PCDH9: variants seen among roughly 807,000 people sequenced by gnomAD.
PCDH9 encodes the protein protocadherin 9, also known as protocadherin-9.
In PCDH9, 24 loss-of-function variants were observed where a neutral mutation model predicts 70.6. That is an observed-to-expected ratio of 0.34 (90% CI 0.25 to 0.48). The LOEUF is 0.48. Among genes scored for constraint, PCDH9 ranks in the 20% least tolerant of loss-of-function variants. PCDH9 has a pLI of 0.99. For synonymous variants in PCDH9, 562 were observed against 558.5 expected (o/e 1.01, Z -0.09); for missense variants, 1,281 against 1,503.6 (o/e 0.85, Z 2.45).
chr13:66,557,064 G>A (rs1961770307), intron 4 of PCDH9, among the ~76,000 whole-genome samples: 1 of 152,134 alleles, frequency 6.6e-6, no homozygotes. Context: ...AATTACAAAG[G>A]AGCTCATCAA....
At chr13:66,976,199 T>C (rs370200317) in intron 2 of PCDH9, among the ~76,000 whole-genome samples, 12 of 152,226 alleles carry the variant, frequency 7.9e-5, no homozygotes, top group African/African-American at 2.6e-4. Flanking sequence ...AATCCCCTCA[T>C]TGGCAAACTA....
intron 4 of PCDH9, among the ~76,000 whole-genome samples, chr13:66,380,297 C>A (rs1247703712): frequency 6.6e-6 from 1 of 152,002 alleles, no homozygotes; most frequent in Non-Finnish European, 1.5e-5. Flanking sequence ...TTTGGGATTT[C>A]AAGAAATAAA....
At chr13:66,535,892 T>C (rs1366084196) in intron 4 of PCDH9, among the ~76,000 whole-genome samples, 1 of 151,968 alleles carries the variant, frequency 6.6e-6, no homozygotes, top group Admixed American at 6.6e-5. Flanking sequence ...AGGGAGCACT[T>C]CTCCCCAAGA....
intron 3 of PCDH9, among the ~76,000 whole-genome samples, chr13:66,840,694 G>A (rs560127359): frequency 7.1e-4 from 108 of 152,316 alleles, no homozygotes; most frequent in Admixed American, 1.3e-3. Context: ...TTTCACTCTA[G>A]TAGGGCAGTT....
chr13:67,023,293 TCAC>T (rs910957270), intron 2 of PCDH9, among the ~76,000 whole-genome samples: 1 of 152,262 alleles, frequency 6.6e-6, no homozygotes, highest in Non-Finnish European at 1.5e-5. Context: ...CTTTTTCTTT[TCAC>T]CACCAACTGT....
At chr13:67,043,099 C>T (rs192322) in intron 2 of PCDH9, among the ~76,000 whole-genome samples, 151,155 of 152,306 alleles carry the variant, frequency 0.99, 75,019 homozygotes, top group East Asian at 1. Flanking sequence ...GTATACAAAG[C>T]AAAAGAAAAA....
At chr13:67,203,139 C>T (rs2138058387) in intron 2 of PCDH9, 2 of 152,180 alleles carry the variant, frequency 1.3e-5, no homozygotes, top group Middle Eastern at 6.8e-3. Flanking sequence ...ATGTTAGAAA[C>T]TACATAATAA....
intron 4 of PCDH9, among the ~76,000 whole-genome samples, chr13:66,350,033 C>T (rs1329166813): frequency 6.6e-6 from 1 of 152,134 alleles, no homozygotes; most frequent in Non-Finnish European, 1.5e-5. Context: ...ACGTCACATT[C>T]CACATGCTCA....
intron 2 of PCDH9, among the ~76,000 whole-genome samples, chr13:67,041,423 T>C (rs994665259): frequency 2.0e-5 from 3 of 152,208 alleles, no homozygotes; most frequent in African/African-American, 4.8e-5. Context: ...TATTACTTAC[T>C]GGAAAGAAGT....
chr13:66,745,810 G>C (rs2079353304), intron 3 of PCDH9, among the ~76,000 whole-genome samples: 1 of 152,068 alleles, frequency 6.6e-6, no homozygotes, highest in African/African-American at 2.4e-5. Context: ...TTTATGTTTT[G>C]AAGCAGGTGA....
intron 3 of PCDH9, among the ~76,000 whole-genome samples, chr13:66,831,630 A>G (rs1360195552): frequency 6.6e-6 from 1 of 152,164 alleles, no homozygotes; most frequent in South Asian, 2.1e-4. Context: ...TTTAATTTTC[A>G]TAAACAGAAT....
At chr13:66,309,372 AGTCAG>A (rs774441734) in intron 4 of PCDH9, among the ~76,000 whole-genome samples, 4,521 of 152,156 alleles carry the variant, frequency 0.03, 135 homozygotes, top group Admixed American at 0.084. Flanking sequence ...TGGTCTCCTA[AGTCAG>A]TCCCTGCCCT....
chr13:66,875,637 C>T (rs914109921), intron 3 of PCDH9, among the ~76,000 whole-genome samples: 9 of 152,118 alleles, frequency 5.9e-5, no homozygotes, highest in African/African-American at 2.2e-4. Flanking sequence ...GAAAAATTCC[C>T]ACTTACCATA....
At chr13:66,321,549 G>A (rs553437751) in intron 4 of PCDH9, among the ~76,000 whole-genome samples, 1 of 151,828 alleles carries the variant, frequency 6.6e-6, no homozygotes, top group East Asian at 1.9e-4. Flanking sequence ...TGTTTGGCTG[G>A]CTGCCTATCT....
chr13:66,612,385 G>A (rs2077303491), intron 4 of PCDH9, among the ~76,000 whole-genome samples: 1 of 152,178 alleles, frequency 6.6e-6, no homozygotes, highest in Admixed American at 6.5e-5. Context: ...ACCATTCCAT[G>A]ATAGAGCAAT....
chr13:66,434,766 A>T (rs1012521513), intron 4 of PCDH9, among the ~76,000 whole-genome samples: 5 of 152,092 alleles, frequency 3.3e-5, no homozygotes, highest in Non-Finnish European at 7.4e-5. Context: ...AAAAATGTAT[A>T]CATTCATTCA....
At chr13:67,167,429 A>G (rs1469132241) in intron 2 of PCDH9, among the ~76,000 whole-genome samples, 1 of 152,204 alleles carries the variant, frequency 6.6e-6, no homozygotes, top group Non-Finnish European at 1.5e-5. Flanking sequence ...TAAGGACTAT[A>G]TCATATAACT....
At chr13:66,980,734 T>TTTTTG (rs2083739826) in intron 2 of PCDH9, among the ~76,000 whole-genome samples, 2 of 138,494 alleles carry the variant, frequency 1.4e-5, no homozygotes, top group South Asian at 2.3e-4. Flanking sequence ...TTCTTTGTTT[T>TTTTTG]TTTTTTTGTT....
Position 66,852,423 on chromosome 13 carries a change from C to T in PCDH9, c.3138+51081G>A, listed in dbSNP as rs1452616564. Reference sequence around the variant, plus strand: ...TTCTCTCTTCCTATTCTACTTAAACCCTATAAAGGTAAAACATTTAATGAC... The same window carrying T: ...TTCTCTCTTCCTATTCTACTTAAACTCTATAAAGGTAAAACATTTAATGAC... On this transcript the variant is annotated intron_variant, in intron 3 of 4. Coordinates refer to ENST00000377865, the MANE Select transcript of PCDH9 (RefSeq NM_203487.3). 5.3e-5 allele frequency among the ~76,000 whole-genome samples: 8 copies of T among 151,930 alleles called. No individual in the cohort carries two copies. The South Asian group carries it at 1.5e-3, about 28-fold the overall frequency.
Sources: allele counts gnomAD v4.1 joint callset (sites outside exome capture counted in the v4.1 genomes callset), GRCh38; gene constraint gnomAD v4.1.1; transcripts MANE v1.5; gene names NCBI Gene and HGNC (gene_info 2026-07-23, HGNC 2026-07-21).